Variants in PUS10 observed in about 807,000 individuals in gnomAD.
PUS10 encodes pseudouridine synthase 10.
A neutral mutation model predicts 75.0 loss-of-function variants in PUS10; 59 were observed. The ratio of observed to expected loss-of-function variants is 0.79; its 90% CI spans 0.64 to 0.98. PUS10 has a LOEUF of 0.98. Ranked by LOEUF, PUS10 falls within the 50% of genes least tolerant of loss-of-function variation. The probability of loss-of-function intolerance (pLI) is 0.00; values close to 1 mark genes in which losing one functional copy is unlikely to be tolerated. For synonymous variants in PUS10, 219 were observed against 211.6 expected, an observed-to-expected ratio of 1.03 and a Z score of -0.30; for missense variants, 650 against 614.4, an observed-to-expected ratio of 1.06 and a Z score of -0.61.
intron 4 of PUS10, among the ~76,000 whole-genome samples, chr2:60,978,110 C>G (rs142866747): frequency 6.6e-6 from 1 of 151,958 alleles, no homozygotes; most frequent in African/African-American, 2.4e-5. Context: ...ATCTGAGCTT[C>G]GAAGGATCAG....
At chr2:60,954,930 T>C (rs1251336651) in intron 12 of PUS10, 88 bp downstream of exon 12, 5 of 867,112 alleles carry the variant, frequency 5.8e-6, no homozygotes, top group East Asian at 2.7e-5. Context: ...ACTTTGTTTT[T>C]CACTGAGTGA....
intron 15 of PUS10, among the ~76,000 whole-genome samples, 187 bp downstream of exon 15, chr2:60,952,810 C>T (rs1023071693): frequency 2.0e-5 from 3 of 152,186 alleles, no homozygotes; most frequent in Non-Finnish European, 2.9e-5. Flanking sequence ...GCCACGCTGC[C>T]GCTCCAGGGG....
At chr2:60,985,385 C>T (rs964321444) in intron 4 of PUS10, among the ~76,000 whole-genome samples, 4 of 152,076 alleles carry the variant, frequency 2.6e-5, no homozygotes, top group Non-Finnish European at 4.4e-5. Flanking sequence ...AACAGAGGAA[C>T]AGTACAAAAC....
In PUS10 at chr2:60,942,265, A is replaced by C; in HGVS notation, c.*130T>G. ...GATGTTACAACAAATTAACAATTATATAGATCAACATGATCCAAATAGTTT... is the reference window on the plus strand; with the variant it reads ...GATGTTACAACAAATTAACAATTATCTAGATCAACATGATCCAAATAGTTT... On this transcript the variant is annotated 3_prime_UTR_variant, in exon 18 of 18. Coordinates refer to ENST00000316752, the MANE Select transcript of PUS10 (RefSeq NM_144709.4). 1.3e-6 allele frequency: 1 copy of C among 747,584 alleles called. No individual in the cohort carries two copies. The highest frequency in any genetic ancestry group is 2.5e-5 in the East Asian group (1 of 40,794). The allele number at this position is 747,584 out of a possible 1,614,324, so 46.3% of individuals were successfully genotyped here. A position where few individuals can be genotyped will look rare whatever the true frequency, so the allele number is the denominator to read the frequency against.
chr2:60,971,628 T>C, intron 4 of PUS10, 71 bp from the exon 5 acceptor site: 1 of 1,404,732 alleles, frequency 7.1e-7, no homozygotes, highest in Non-Finnish European at 1.0e-6. Flanking sequence ...AGTCTCAATA[T>C]CATTACTGAA....
At chr2:60,971,453 T>TA in intron 5 of PUS10, 70 bp downstream of exon 5, 1 of 1,383,788 alleles carries the variant, frequency 7.2e-7, no homozygotes, top group East Asian at 2.3e-5. Flanking sequence ...ATTGTAGTAG[T>TA]AAAAGTGCTT....
At chr2:60,960,210 G>A (rs1675934927) in intron 11 of PUS10, among the ~76,000 whole-genome samples, 182 bp downstream of exon 11, 1 of 150,776 alleles carries the variant, frequency 6.6e-6, no homozygotes, top group Non-Finnish European at 1.5e-5. Context: ...CAGGTGGGGT[G>A]GCTCATGCCT....
intron 1 of PUS10, among the ~76,000 whole-genome samples, chr2:61,014,149 G>A (rs370627500): frequency 1.3e-4 from 19 of 151,850 alleles, no homozygotes; most frequent in African/African-American, 3.4e-4. Context: ...CGAGGCGGGC[G>A]GATCACCTGA....
rs553657862 is a variant in PUS10, at chr2:60,986,084, C to T, written c.469-14527G>A. Reference sequence around the variant, plus strand: ...ATTTACCTTTCTTTAGCAAGTACTTCCTTCATTGATAGATCAATAACACAA... The same window carrying T: ...ATTTACCTTTCTTTAGCAAGTACTTTCTTCATTGATAGATCAATAACACAA... On this transcript the variant is annotated intron_variant, in intron 4 of 17. Coordinates refer to ENST00000316752, the MANE Select transcript of PUS10 (RefSeq NM_144709.4). Among the ~76,000 whole-genome samples, 21 of 152,120 alleles carry T rather than the reference C, an allele frequency of 1.4e-4. No individual in the cohort carries two copies. In the South Asian group the frequency reaches 3.1e-3, roughly 23 times the overall value.
chr2:61,002,025 G>A (rs1466753987), intron 4 of PUS10, among the ~76,000 whole-genome samples: 3 of 152,088 alleles, frequency 2.0e-5, no homozygotes, highest in Non-Finnish European at 4.4e-5. Flanking sequence ...ACATTTAAAA[G>A]GCTATCAGTT....
intron 1 of PUS10, among the ~76,000 whole-genome samples, chr2:61,016,586 T>C (rs776178574): frequency 2.0e-5 from 3 of 152,354 alleles, no homozygotes; most frequent in Non-Finnish European, 4.4e-5. Flanking sequence ...GAAATAACTC[T>C]GTAACAAGTT....
intron 4 of PUS10, among the ~76,000 whole-genome samples, chr2:60,999,687 A>G (rs1021804978): frequency 2.0e-5 from 3 of 152,214 alleles, no homozygotes; most frequent in Admixed American, 2.0e-4. Context: ...GAAAAGGCTT[A>G]AGATCTCTAG....
intron 8 of PUS10, among the ~76,000 whole-genome samples, chr2:60,964,606 A>T (rs1676226981): frequency 6.6e-6 from 1 of 152,244 alleles, no homozygotes; most frequent in African/African-American, 2.4e-5. Flanking sequence ...ATGTTAATTC[A>T]GGACTGTCCT....
chr2:60,960,357 A>G (rs1377125707), intron 11 of PUS10, 35 bp downstream of exon 11: 150 of 1,464,090 alleles, frequency 1.0e-4, no homozygotes, highest in Admixed American at 1.9e-4. Flanking sequence ...AAAAAAAAAA[A>G]AAAGAAAGAA....
chr2:60,950,111 T>A (rs752303376), intron 15 of PUS10, among the ~76,000 whole-genome samples: 2 of 152,202 alleles, frequency 1.3e-5, no homozygotes, highest in Non-Finnish European at 2.9e-5. Context: ...GAACCTTACA[T>A]AGTATGGCCA....
rs1373675558 is a variant in PUS10 at position 60,961,372 on chromosome 2, CAAT to C, written c.874+88_874+90del. On this transcript the variant is annotated intron_variant, in intron 10 of 17. Transcript: ENST00000316752. ...TAAACTTATTAGAATCTAATAACAA[CAAT>C]AAGAATAAAATAGAACAGGAGTCAG... 4.3e-6 allele frequency: 4 copies of C among 930,994 alleles called. No individual in the cohort carries two copies. The Admixed American group carries it at 8.2e-5, about 19-fold the overall frequency. 57.7% of individuals were successfully genotyped at this position (930,994 alleles called of 1,614,324 possible). A position where few individuals can be genotyped will look rare whatever the true frequency, so the allele number is the denominator to read the frequency against.
intron 5 of PUS10, among the ~76,000 whole-genome samples, chr2:60,969,506 T>C (rs1676532980): frequency 6.6e-6 from 1 of 152,236 alleles, no homozygotes; most frequent in African/African-American, 2.4e-5. Flanking sequence ...TTCTCTTCTC[T>C]GTCAGATAAG....
intron 11 of PUS10, 150 bp downstream of exon 11, chr2:60,960,242 G>T: frequency 2.0e-6 from 1 of 492,028 alleles, no homozygotes; most frequent in Non-Finnish European, 3.4e-6. Flanking sequence ...ACTTTAGGAG[G>T]CCAAGGTGGG....
chr2:60,963,938 C>A (rs1676185710), intron 8 of PUS10, among the ~76,000 whole-genome samples: 1 of 152,194 alleles, frequency 6.6e-6, no homozygotes, highest in Admixed American at 6.5e-5. Context: ...AAAACTAGGT[C>A]TTCAATGTAG....
Sources: gnomAD v4.1 joint callset for allele counts (sites outside exome capture counted in the v4.1 genomes callset) on GRCh38, gnomAD v4.1.1 for gene constraint, MANE v1.5 for transcripts, NCBI Gene and HGNC (gene_info 2026-07-23, HGNC 2026-07-21) for gene names.